The following RFFL variants were observed in gnomAD, a reference collection of about 807,000 sequenced individuals.
RFFL encodes the protein ring finger and FYVE like domain containing E3 ubiquitin protein ligase, also known as E3 ubiquitin-protein ligase rififylin.
Under a neutral mutation model 40.4 loss-of-function variants are expected in RFFL, and 16 were observed. The observed-to-expected ratio is 0.40, with a 90% CI of 0.27 to 0.60. The LOEUF (loss-of-function observed/expected upper bound fraction) is 0.60, where lower values mean the gene tolerates loss of function less well. Ranked by LOEUF, RFFL falls within the 20% of genes least tolerant of loss-of-function variation. The pLI is 0.47. For missense variants in RFFL, 367 were observed against 451.7 expected (o/e 0.81, Z 1.70); for synonymous variants, 154 against 167.9 (o/e 0.92, Z 0.64).
chr17:35,040,227 A>C (rs1289701831), intron 1 of RFFL, among the ~76,000 whole-genome samples: 1 of 151,674 alleles, frequency 6.6e-6, no homozygotes, highest in East Asian at 1.9e-4. Context: ...GCTGCTTCTT[A>C]CCCCTCCCTC....
chr17:35,030,102 C>T (rs1389323171), intron 1 of RFFL, among the ~76,000 whole-genome samples: 7 of 150,086 alleles, frequency 4.7e-5, no homozygotes, highest in Non-Finnish European at 3.0e-5. Flanking sequence ...TGTTGGACAT[C>T]TGGGTTGGTT....
chr17:35,016,606 G>A (rs2090975305), intron 4 of RFFL, 26 bp from the exon 5 acceptor site: 1 of 1,587,758 alleles, frequency 6.3e-7, no homozygotes, highest in African/African-American at 1.3e-5. Flanking sequence ...TGAGATCAGT[G>A]TGCTCAGCTC....
intron 1 of RFFL, among the ~76,000 whole-genome samples, chr17:35,029,625 A>G (rs1375164152): frequency 6.7e-6 from 1 of 148,962 alleles, no homozygotes; most frequent in Non-Finnish European, 1.5e-5. Flanking sequence ...GGTTCACACC[A>G]TTCTCCTGCC....
intron 1 of RFFL, among the ~76,000 whole-genome samples, chr17:35,034,345 A>G (rs2091106144): frequency 6.6e-6 from 1 of 152,006 alleles, no homozygotes; most frequent in Admixed American, 6.6e-5. Flanking sequence ...AAATTAAAAA[A>G]ATAAAAAAGG....
At chr17:35,084,661 G>A (rs554549133) in intron 1 of RFFL, among the ~76,000 whole-genome samples, 5 of 151,708 alleles carry the variant, frequency 3.3e-5, no homozygotes, top group East Asian at 1.9e-4. Context: ...AGGCTGAGGC[G>A]GGCAGATCAC....
upstream of RFFL, among the ~76,000 whole-genome samples, chr17:35,066,936 TATC>T: frequency 6.6e-6 from 1 of 152,052 alleles, no homozygotes; most frequent in Non-Finnish European, 1.5e-5. Context: ...ACCAAATATT[TATC>T]ATCTAATAAA....
chr17:35,083,466 A>T (rs2091412591), intron 1 of RFFL, among the ~76,000 whole-genome samples: 1 of 152,150 alleles, frequency 6.6e-6, no homozygotes, highest in Non-Finnish European at 1.5e-5. Flanking sequence ...CAATGTGCAT[A>T]ATTTCACTCT....
chr17:35,039,711 C>G lies in RFFL; in HGVS notation c.-8-13150G>C, dbSNP rs562721772. Among the ~76,000 whole-genome samples the G allele has an allele frequency of 5.1e-4, 78 of 151,474 alleles. No individual in the cohort carries two copies. In the Middle Eastern group the frequency reaches 0.014, roughly 26 times the overall value. Reference sequence around the variant, plus strand: ...TTTTTTTTTGAAACGGAATTTCACTCTTGTTGCCCAGGCTGGAGTGCAATG... The same window carrying G: ...TTTTTTTTTGAAACGGAATTTCACTGTTGTTGCCCAGGCTGGAGTGCAATG... On this transcript the variant is annotated intron_variant, in intron 1 of 6. Coordinates refer to ENST00000394597, the MANE Select transcript of RFFL (RefSeq NM_001017368.2).
chr17:35,011,847 AC>A lies in RFFL; in HGVS notation c.*120del. ...CAGGGGTGACATGGCATCTTGCTTG[AC>A]CTGGTTTTGGGAACCCTGCAATATT... is the stretch of plus-strand genomic sequence containing the variant. On this transcript the variant is annotated 3_prime_UTR_variant, in exon 7 of 7. Coordinates refer to ENST00000394597, the MANE Select transcript of RFFL (RefSeq NM_001017368.2). 1.1e-6 allele frequency: 1 copy of A among 941,350 alleles called. No homozygotes were observed. The highest frequency in any genetic ancestry group is 2.5e-5 in the East Asian group (1 of 40,520). 58.3% of individuals were successfully genotyped at this position (941,350 alleles called of 1,614,324 possible).
At chr17:35,037,935 C>T in intron 1 of RFFL, among the ~76,000 whole-genome samples, 1 of 152,116 alleles carries the variant, frequency 6.6e-6, no homozygotes, top group East Asian at 1.9e-4. Context: ...CAAAGTGTTA[C>T]CACCACTGGA....
intron 1 of RFFL, among the ~76,000 whole-genome samples, chr17:35,057,121 G>A (rs531006248): frequency 1.3e-5 from 2 of 151,920 alleles, no homozygotes; most frequent in African/African-American, 4.8e-5. Flanking sequence ...GTTTCACCAC[G>A]TTGACCAGGC....
At chr17:35,024,937 T>C (rs183676661) in intron 2 of RFFL, among the ~76,000 whole-genome samples, 11 of 152,240 alleles carry the variant, frequency 7.2e-5, no homozygotes, top group Non-Finnish European at 1.5e-4. Flanking sequence ...AGCAAGAAAA[T>C]ATTGTACCAA....
chr17:35,026,575 G>A lies in RFFL; in HGVS notation c.-8-14C>T, dbSNP rs1298214386. Reference sequence around the variant, plus strand: ...ACATGATAAAATCTGGTGCAAGGGAGGAAAGGGGAAAAGGTCAGAGTTAAG... The same window carrying A: ...ACATGATAAAATCTGGTGCAAGGGAAGAAAGGGGAAAAGGTCAGAGTTAAG... On this transcript the variant is annotated splice_polypyrimidine_tract_variant and intron_variant, in intron 1 of 6. Transcript: ENST00000394597. 1.2e-6 allele frequency: 2 copies of A among 1,608,406 alleles called. No individual in the cohort carries two copies. The highest frequency in any genetic ancestry group is 2.2e-5 in the South Asian group (2 of 90,288).
chr17:35,023,747 T>A (rs1301913552), intron 2 of RFFL, among the ~76,000 whole-genome samples: 1 of 152,180 alleles, frequency 6.6e-6, no homozygotes, highest in Non-Finnish European at 1.5e-5. Context: ...ATCAGCCAGA[T>A]CCAAACAACT....
chr17:35,086,389 G>A (rs1371112696), intron 1 of RFFL, among the ~76,000 whole-genome samples: 1 of 151,854 alleles, frequency 6.6e-6, no homozygotes, highest in African/African-American at 2.4e-5. Context: ...GGGAGGCGAG[G>A]ATTGCGTGAG....
intron 1 of RFFL, among the ~76,000 whole-genome samples, chr17:35,072,441 G>C (rs1038352843): frequency 2.0e-5 from 3 of 152,066 alleles, no homozygotes; most frequent in Non-Finnish European, 4.4e-5. Context: ...CAGATTACTG[G>C]TTTCCAGAGA....
At chr17:35,064,678 C>A (rs2142372089), upstream of RFFL, among the ~76,000 whole-genome samples, 1 of 152,278 alleles carries the variant, frequency 6.6e-6, no homozygotes, top group South Asian at 2.1e-4. Context: ...AGGCCATCAG[C>A]TATTTCTTAG....
upstream of RFFL, among the ~76,000 whole-genome samples, chr17:35,066,204 T>C (rs1415475661): frequency 6.6e-6 from 1 of 152,196 alleles, no homozygotes; most frequent in African/African-American, 2.4e-5. Flanking sequence ...ATGCTTTTTT[T>C]AATAGGGTGG....
chr17:35,049,482 C>T (rs1420592115), intron 1 of RFFL, among the ~76,000 whole-genome samples: 1 of 152,134 alleles, frequency 6.6e-6, no homozygotes, highest in Non-Finnish European at 1.5e-5. Context: ...TGCAATAGAG[C>T]AGATTTCACA....
Sources: allele counts gnomAD v4.1 joint callset (sites outside exome capture counted in the v4.1 genomes callset), GRCh38; gene constraint gnomAD v4.1.1; transcripts MANE v1.5; gene names NCBI Gene and HGNC (gene_info 2026-07-23, HGNC 2026-07-21).